The following SAMD5 variants were observed in gnomAD, a reference collection of about 807,000 sequenced individuals.
The protein encoded by SAMD5 is sterile alpha motif domain containing 5.
SAMD5 carries 13 observed loss-of-function variants against 11.3 expected under a neutral mutation model. The observed-to-expected ratio is 1.15, with a 90% CI of 0.75 to 1.83. SAMD5 has a LOEUF of 1.83. SAMD5 is among the 40% of genes most tolerant of loss of function. The pLI, the probability that SAMD5 is intolerant of heterozygous loss-of-function variation, is 0.00. For missense variants in SAMD5, 255 were observed against 239.1 expected (o/e 1.07, Z -0.44); for synonymous variants, 129 against 111.3 (o/e 1.16, Z -1.00).
At chr6:147,729,732 G>A in intron 1 of SAMD5, 1 of 456,162 alleles carries the variant, frequency 2.2e-6, no homozygotes, top group Non-Finnish European at 4.4e-6. Flanking sequence ...TGGAAAGCTG[G>A]GAGAACATTT....
chr6:147,559,296 T>C (rs1398643209), intron 1 of SAMD5, among the ~76,000 whole-genome samples: 1 of 152,228 alleles, frequency 6.6e-6, no homozygotes, highest in Non-Finnish European at 1.5e-5. Context: ...GTAGGGAATT[T>C]GCATAGCTAT....
the SAMD5 span, among the ~76,000 whole-genome samples, chr6:147,921,274 AACACACACACACAC>A: frequency 8.5e-5 from 12 of 141,078 alleles, no homozygotes; most frequent in South Asian, 2.3e-4. Context: ...GAGAGTATAA[AACACACACACACAC>A]ACACACACAC....
rs1001191995 is a variant in SAMD5 at position 147,569,978 on chromosome 6, A to G, written c.*5522A>G. Reference sequence around the variant, plus strand: ...CATGCCCATGCACACTGTGATTTGCAAACATATGTCCGCTCTTCAATAAAT... The same window carrying G: ...CATGCCCATGCACACTGTGATTTGCGAACATATGTCCGCTCTTCAATAAAT... On this transcript the variant is annotated 3_prime_UTR_variant, in exon 2 of 2. Transcript: ENST00000367474. The G allele has an allele frequency of 1.3e-5, 13 of 985,070 alleles. No individual in the cohort carries two copies. In the South Asian group the frequency reaches 2.3e-4, roughly 18 times the overall value. 61.0% of individuals were successfully genotyped at this position (985,070 alleles called of 1,614,324 possible). A position where few individuals can be genotyped will look rare whatever the true frequency, so the allele number is the denominator to read the frequency against.
chr6:147,626,609 C>T (rs1790054033), intron 1 of SAMD5, among the ~76,000 whole-genome samples: 1 of 151,210 alleles, frequency 6.6e-6, no homozygotes, highest in Non-Finnish European at 1.5e-5. Context: ...TTGGTACCTA[C>T]CTTGTAAGGT....
At chr6:147,612,477 T>C (rs1164685736) in intron 1 of SAMD5, among the ~76,000 whole-genome samples, 1 of 152,326 alleles carries the variant, frequency 6.6e-6, no homozygotes, top group East Asian at 1.9e-4. Context: ...TTCTGAAGGA[T>C]CAAGTCTACA....
chr6:147,918,530 T>G, the SAMD5 span, among the ~76,000 whole-genome samples: 63 of 152,164 alleles, frequency 4.1e-4, no homozygotes, highest in African/African-American at 1.4e-3. Flanking sequence ...AAAGTGTATT[T>G]AATTAGGAAA....
chr6:147,895,023 G>T, the SAMD5 span, among the ~76,000 whole-genome samples: 1 of 152,172 alleles, frequency 6.6e-6, no homozygotes. Context: ...AAATTATTCT[G>T]CAGGAAAGAA....
At chr6:147,744,534 T>A in the SAMD5 span, among the ~76,000 whole-genome samples, 1 of 152,022 alleles carries the variant, frequency 6.6e-6, no homozygotes, top group Admixed American at 6.6e-5. Flanking sequence ...TGAAAACAAA[T>A]GACCTAGTTT....
chr6:147,803,131 CTGTGTGTGTGTG>C, the SAMD5 span, among the ~76,000 whole-genome samples: 14,137 of 136,764 alleles, frequency 0.1, 828 homozygotes, highest in East Asian at 0.32. Flanking sequence ...GCCTTCCTTT[CTGTGTGTGTGTG>C]TGTGTGTGTG....
intron 1 of SAMD5, among the ~76,000 whole-genome samples, chr6:147,560,695 G>GA (rs1232384440): frequency 2.6e-5 from 4 of 152,014 alleles, no homozygotes; most frequent in Non-Finnish European, 5.9e-5. Flanking sequence ...AATCAACTGA[G>GA]AAAAAAATGC....
chr6:147,898,260 C>G, the SAMD5 span, among the ~76,000 whole-genome samples: 1 of 152,134 alleles, frequency 6.6e-6, no homozygotes. Flanking sequence ...GCCAATGCAT[C>G]TACTCCCTTT....
intron 1 of SAMD5, among the ~76,000 whole-genome samples, chr6:147,634,524 A>C (rs1262818653): frequency 6.6e-6 from 1 of 152,188 alleles, no homozygotes; most frequent in Non-Finnish European, 1.5e-5. Context: ...CCATAGCAAG[A>C]TCTGTCCACA....
chr6:147,711,029 G>GGAGGGAAGGAAAATGAAA lies in SAMD5; in HGVS notation c.163-26285_163-26268dup, dbSNP rs941361480. On this transcript the variant is annotated intron_variant, in intron 1 of 1. Transcript: ENST00000566741. This position sits in a 1 kb window ranked among gnomAD's most constrained non-coding sequence, Gnocchi z 4.1. ...ATAAAGGAAGGAAGGAAATAAGGAAGGAGGGAAGGAAAATGAAAGAAGGAA... is the reference window on the plus strand; with the variant it reads ...ATAAAGGAAGGAAGGAAATAAGGAAGGAGGGAAGGAAAATGAAAGAGGGAAGGAAAATGAAAGAAGGAA... 6.7e-6 allele frequency among the ~76,000 whole-genome samples: 1 copy of GGAGGGAAGGAAAATGAAA among 150,142 alleles called. No homozygotes were observed. The highest frequency in any genetic ancestry group is 1.5e-5 in the Non-Finnish European group (1 of 67,608).
At chr6:147,709,142 G>C (rs763882257) in intron 1 of SAMD5, among the ~76,000 whole-genome samples, 34 of 152,118 alleles carry the variant, frequency 2.2e-4, no homozygotes, top group Non-Finnish European at 3.5e-4. Context: ...TATTCTTCAA[G>C]ATAAATAAGT....
At chr6:147,897,881 G>T in the SAMD5 span, among the ~76,000 whole-genome samples, 2 of 148,378 alleles carry the variant, frequency 1.3e-5, no homozygotes, top group Non-Finnish European at 3.0e-5. Context: ...GGAGGCAGAG[G>T]TTGCAGTGAG....
chr6:147,611,842 C>A (rs1278877023), intron 1 of SAMD5, among the ~76,000 whole-genome samples: 1 of 152,164 alleles, frequency 6.6e-6, no homozygotes, highest in African/African-American at 2.4e-5. Flanking sequence ...TGGTTGCAGT[C>A]ATACGTCAGC....
At chr6:147,909,433 A>G in the SAMD5 span, among the ~76,000 whole-genome samples, 1 of 152,198 alleles carries the variant, frequency 6.6e-6, no homozygotes, top group Non-Finnish European at 1.5e-5. Flanking sequence ...TGTGGGGTAC[A>G]TAAACTGCTA....
At chr6:147,813,352 T>G in the SAMD5 span, among the ~76,000 whole-genome samples, 4 of 152,374 alleles carry the variant, frequency 2.6e-5, 1 homozygote, top group South Asian at 8.3e-4. Context: ...AGTTTAATTC[T>G]AGATACCCAG....
chr6:147,532,032 C>T (rs77391599), intron 1 of SAMD5, among the ~76,000 whole-genome samples: 1,811 of 152,156 alleles, frequency 0.012, 21 homozygotes, highest in Middle Eastern at 0.027. Flanking sequence ...CTAACTATAA[C>T]GTAGACATTA....
Sources: allele counts gnomAD v4.1 joint callset (sites outside exome capture counted in the v4.1 genomes callset), GRCh38; gene constraint gnomAD v4.1.1; non-coding constraint Gnocchi (gnomAD v3.1); transcripts MANE v1.5; gene names NCBI Gene and HGNC (gene_info 2026-07-23, HGNC 2026-07-21).